Variants in ITGA1 observed in about 807,000 individuals in gnomAD.
ITGA1 encodes the protein integrin alpha-1.
In ITGA1, 85 loss-of-function variants were observed where a neutral mutation model predicts 145.9. The observed-to-expected ratio is 0.58, with a 90% CI of 0.49 to 0.70. The LOEUF is 0.70. Among genes scored for constraint, ITGA1 ranks in the 30% least tolerant of loss-of-function variants. The pLI is 0.00. For missense variants in ITGA1, 1,351 were observed against 1,418.7 expected (o/e 0.95, Z 0.77); for synonymous variants, 520 against 495.3 (o/e 1.05, Z -0.66).
chr5:52,901,996 T>G (rs1458217663), intron 11 of ITGA1: 1 of 150,886 alleles, frequency 6.6e-6, no homozygotes, highest in Admixed American at 6.6e-5. Context: ...ATACCTTGTG[T>G]TTTTTTTCAC....
chr5:52,861,939 T>C (rs187405414), intron 3 of ITGA1, among the ~76,000 whole-genome samples: 1 of 150,422 alleles, frequency 6.6e-6, no homozygotes, highest in African/African-American at 2.4e-5. Flanking sequence ...GATTTTGGGC[T>C]GGGCGCAGTG....
intron 9 of ITGA1, among the ~76,000 whole-genome samples, chr5:52,896,784 A>T (rs1750233874): frequency 6.6e-6 from 1 of 152,148 alleles, no homozygotes; most frequent in Non-Finnish European, 1.5e-5. Context: ...TCTGCATTTC[A>T]GTAAAGAGCT....
At chr5:52,854,344 A>T (rs10046016) in intron 2 of ITGA1, among the ~76,000 whole-genome samples, 46,383 of 152,040 alleles carry the variant, frequency 0.31, 7,868 homozygotes, top group African/African-American at 0.45. Context: ...AATTTTCTGT[A>T]ACAGATTTTA....
intron 2 of ITGA1, among the ~76,000 whole-genome samples, chr5:52,855,559 G>T (rs1749499995): frequency 6.6e-6 from 1 of 152,118 alleles, no homozygotes. Flanking sequence ...CTATTGTGGA[G>T]CTTATATTCT....
Position 52,910,159 on chromosome 5 carries a change from C to T in ITGA1, c.1600-3C>T, listed in dbSNP as rs549969261. ...ATAAATATCCTGTTTATCTTTCTTCCAGACAAGGTTTGAATATCAAATGAG... is the reference window on the plus strand; with the variant it reads ...ATAAATATCCTGTTTATCTTTCTTCTAGACAAGGTTTGAATATCAAATGAG... On this transcript the variant is annotated splice_region_variant and splice_polypyrimidine_tract_variant and intron_variant, in intron 13 of 28. Coordinates refer to ENST00000282588, the MANE Select transcript of ITGA1 (RefSeq NM_181501.2). 1.9e-6 allele frequency: 3 copies of T among 1,596,788 alleles called. No individual in the cohort carries two copies. In the African/African-American group the frequency reaches 4.0e-5, roughly 21 times the overall value.
chr5:52,849,529 G>A (rs1303125133), intron 2 of ITGA1, 44 bp downstream of exon 2: 6 of 1,452,538 alleles, frequency 4.1e-6, no homozygotes, highest in Non-Finnish European at 5.6e-6. Flanking sequence ...TATTTCACAA[G>A]GTAATGAGAA....
intron 1 of ITGA1, among the ~76,000 whole-genome samples, chr5:52,840,644 T>A (rs752735165): frequency 8.6e-4 from 131 of 152,212 alleles, no homozygotes; most frequent in Non-Finnish European, 1.6e-3. Context: ...AAAGAGCAGA[T>A]GTCTGTAGAT....
At chr5:52,864,283 T>G (rs1463539807) in intron 3 of ITGA1, among the ~76,000 whole-genome samples, 4 of 152,222 alleles carry the variant, frequency 2.6e-5, no homozygotes, top group Admixed American at 2.6e-4. Context: ...CTAGTTTCCT[T>G]TGTCACCCAA....
chr5:52,937,060 A>G (rs368588871), intron 23 of ITGA1, among the ~76,000 whole-genome samples: 6 of 125,330 alleles, frequency 4.8e-5, no homozygotes, highest in Middle Eastern at 3.7e-3. Flanking sequence ...AAAAAAAAAA[A>G]AAGAAAGAAA....
intron 1 of ITGA1, among the ~76,000 whole-genome samples, chr5:52,814,509 T>G (rs950208780): frequency 1.3e-5 from 2 of 152,208 alleles, no homozygotes; most frequent in African/African-American, 4.8e-5. Context: ...TGCATCCCTT[T>G]CAGGCTTCAT....
At chr5:52,948,385 A>G (rs1668509037) in intron 28 of ITGA1, among the ~76,000 whole-genome samples, 1 of 152,244 alleles carries the variant, frequency 6.6e-6, no homozygotes, top group South Asian at 2.1e-4. Context: ...CCTGAGCAAC[A>G]TAATTATTTA....
At chr5:52,909,934 T>C (rs576453809) in intron 13 of ITGA1, among the ~76,000 whole-genome samples, 8 of 152,264 alleles carry the variant, frequency 5.3e-5, no homozygotes, top group African/African-American at 1.4e-4. Flanking sequence ...GTATACTCAA[T>C]TGCATTAAAA....
rs902837693 is a variant in ITGA1, at chr5:52,933,986, T to C, written c.2954T>C (p.Ile985Thr). 2.1e-6 allele frequency: 3 copies of C among 1,403,112 alleles called. No homozygotes were observed. Among genetic ancestry groups the C allele is most frequent in the Non-Finnish European group, 2.9e-6 (3 of 1,034,366 alleles). 86.9% of individuals were successfully genotyped at this position (1,403,112 alleles called of 1,614,324 possible). A position where few individuals can be genotyped will look rare whatever the true frequency, so the allele number is the denominator to read the frequency against. Reference sequence around the variant, plus strand: ...GAGGACATTGGAAATGAAATTAATATCTTCTACTTGGTAAGAAATTACCTC... The same window carrying C: ...GAGGACATTGGAAATGAAATTAATACCTTCTACTTGGTAAGAAATTACCTC... ...STEDIGNEIN[I>T]FYLIRKSGSF... The change falls in exon 23 of 29, where the codon ATC becomes ACC. Residue 985 changes from isoleucine to threonine, a missense_variant. By Grantham distance (89) the Ile-to-Thr change is moderately conservative. Coordinates refer to ENST00000282588, the MANE Select transcript of ITGA1 (RefSeq NM_181501.2).
At chr5:52,832,504 T>A (rs1749087134) in intron 1 of ITGA1, among the ~76,000 whole-genome samples, 1 of 152,192 alleles carries the variant, frequency 6.6e-6, no homozygotes, top group African/African-American at 2.4e-5. Flanking sequence ...CTTCTACCCA[T>A]AAGATTCTAT....
chr5:52,840,328 C>T (rs1749232352), intron 1 of ITGA1, among the ~76,000 whole-genome samples: 1 of 152,200 alleles, frequency 6.6e-6, no homozygotes, highest in Non-Finnish European at 1.5e-5. Flanking sequence ...TTTCCGTATG[C>T]AGTGCTCCAT....
At chr5:52,874,534 T>G (rs958100238) in intron 6 of ITGA1, among the ~76,000 whole-genome samples, 76 of 152,204 alleles carry the variant, frequency 5.0e-4, no homozygotes, top group Non-Finnish European at 1.6e-4. Flanking sequence ...CATAAGAGAC[T>G]AATCCAAAAG....
At chr5:52,789,517 G>A (rs1206827749) in intron 1 of ITGA1, among the ~76,000 whole-genome samples, 1 of 152,202 alleles carries the variant, frequency 6.6e-6, no homozygotes, top group Non-Finnish European at 1.5e-5. Flanking sequence ...AGCAAGCAGA[G>A]CTTTTTTCAG....
intron 18 of ITGA1, among the ~76,000 whole-genome samples, 175 bp from the exon 19 acceptor site, chr5:52,925,103 C>T (rs904070089): frequency 1.3e-5 from 2 of 152,200 alleles, no homozygotes; most frequent in African/African-American, 4.8e-5. Context: ...TTACTCTTCT[C>T]CCCTATAAAT....
At chr5:52,828,532 A>C (rs1426933929) in intron 1 of ITGA1, among the ~76,000 whole-genome samples, 1 of 151,984 alleles carries the variant, frequency 6.6e-6, no homozygotes, top group African/African-American at 2.4e-5. Context: ...GTTGCTTCTT[A>C]TTTTAAAAGA....
Sources: gnomAD v4.1 joint callset for allele counts (sites outside exome capture counted in the v4.1 genomes callset) on GRCh38, gnomAD v4.1.1 for gene constraint, MANE v1.5 for transcripts, NCBI Gene and HGNC (gene_info 2026-07-23, HGNC 2026-07-21) for gene names.